The following HDAC9 variants were observed in gnomAD, a reference collection of about 807,000 sequenced individuals.
HDAC9 encodes the protein MEF-2 interacting transcription repressor (MITR) protein.
Under a neutral mutation model 139.4 loss-of-function variants are expected in HDAC9, and 41 were observed. The ratio of observed to expected loss-of-function variants is 0.29; its 90% confidence interval spans 0.23 to 0.38. The LOEUF is 0.38. Ranked by LOEUF, HDAC9 falls within the 10% of genes least tolerant of loss-of-function variation. The probability of loss-of-function intolerance (pLI) is 1.00; values close to 1 mark genes in which losing one functional copy is unlikely to be tolerated. For synonymous variants in HDAC9, 517 were observed against 476.2 expected (o/e 1.09, Z -1.12); for missense variants, 1,147 against 1,297.0 (o/e 0.88, Z 1.78).
chr7:18,708,154 C>T (rs992115432), intron 12 of HDAC9, among the ~76,000 whole-genome samples: 15 of 149,336 alleles, frequency 1.0e-4, no homozygotes, highest in African/African-American at 3.7e-4. Context: ...GAGGAGGGGG[C>T]AGGAAGTTGA....
At chr7:18,475,452 T>G (rs931372423) in intron 1 of HDAC9, among the ~76,000 whole-genome samples, 1 of 152,222 alleles carries the variant, frequency 6.6e-6, no homozygotes, top group Non-Finnish European at 1.5e-5. Context: ...CCGGGAGATA[T>G]CTTGCTATCA....
chr7:18,859,195 T>C (rs188284732), intron 21 of HDAC9, among the ~76,000 whole-genome samples: 1 of 152,270 alleles, frequency 6.6e-6, no homozygotes, highest in Admixed American at 6.5e-5. Flanking sequence ...AGAAGGAATG[T>C]ATAAACTTCT....
chr7:18,551,263 C>A (rs767229679), intron 2 of HDAC9, among the ~76,000 whole-genome samples: 1 of 152,038 alleles, frequency 6.6e-6, no homozygotes, highest in Non-Finnish European at 1.5e-5. Flanking sequence ...TTTGATATAT[C>A]TTTTAGACAT....
At chr7:18,605,231 T>C (rs1835127318) in intron 6 of HDAC9, among the ~76,000 whole-genome samples, 1 of 152,196 alleles carries the variant, frequency 6.6e-6, no homozygotes. Context: ...ATACAGAACC[T>C]GGTTGATGTG....
chr7:18,219,771 T>A (rs2128174502), intron 2 of HDAC9, among the ~76,000 whole-genome samples: 1 of 152,320 alleles, frequency 6.6e-6, no homozygotes, highest in South Asian at 2.1e-4. Flanking sequence ...TTTATTTTGG[T>A]TTTTGATATT....
intron 2 of HDAC9, among the ~76,000 whole-genome samples, chr7:18,508,683 C>A (rs1800531418): frequency 6.6e-6 from 1 of 152,166 alleles, no homozygotes; most frequent in South Asian, 2.1e-4. Flanking sequence ...GTGAAGCAAA[C>A]AGTTTCTCTT....
At chr7:18,340,892 T>C (rs1424886295) in intron 1 of HDAC9, among the ~76,000 whole-genome samples, 1 of 151,650 alleles carries the variant, frequency 6.6e-6, no homozygotes, top group African/African-American at 2.4e-5. Context: ...AAACATTTGT[T>C]GAAGTCCAAG....
intron 2 of HDAC9, among the ~76,000 whole-genome samples, chr7:18,187,566 A>G (rs1790012027): frequency 6.6e-6 from 1 of 152,072 alleles, no homozygotes; most frequent in Admixed American, 6.5e-5. Flanking sequence ...TCCACATCAA[A>G]TCTGTTCCAA....
chr7:18,430,426 A>G (rs756421111), intron 1 of HDAC9: 4 of 152,176 alleles, frequency 2.6e-5, no homozygotes, highest in Non-Finnish European at 5.9e-5. Context: ...GTCTTGCTAT[A>G]TTGTCCAGGC....
chr7:18,664,800 A>G (rs1478108932), intron 11 of HDAC9, among the ~76,000 whole-genome samples: 1 of 152,126 alleles, frequency 6.6e-6, no homozygotes, highest in Non-Finnish European at 1.5e-5. Context: ...TCTTCAAAGC[A>G]TTTTGTCATA....
At chr7:18,777,844 T>A (rs1157696632) in intron 16 of HDAC9, among the ~76,000 whole-genome samples, 2 of 151,938 alleles carry the variant, frequency 1.3e-5, no homozygotes, top group Non-Finnish European at 1.5e-5. Context: ...ACCCTCCTGA[T>A]TCTCACAGAA....
intron 17 of HDAC9, among the ~76,000 whole-genome samples, chr7:18,820,532 A>G (rs1794885799): frequency 6.6e-6 from 1 of 152,196 alleles, no homozygotes; most frequent in South Asian, 2.1e-4. Flanking sequence ...TCCCAAGTCT[A>G]AACAGCAACC....
chr7:18,166,586 T>TGG (rs1788027754), intron 2 of HDAC9, among the ~76,000 whole-genome samples: 1 of 152,178 alleles, frequency 6.6e-6, no homozygotes, highest in South Asian at 2.1e-4. Flanking sequence ...ATAAACAATT[T>TGG]GGGGGCAAGC....
At chr7:18,255,626 C>T (rs562429419) in intron 2 of HDAC9, among the ~76,000 whole-genome samples, 374 of 113,594 alleles carry the variant, frequency 3.3e-3, no homozygotes, top group South Asian at 0.019. Context: ...TTTTTCTTTC[C>T]TTTTTTTTTT....
At chr7:18,488,600 T>G (rs796269310) in intron 1 of HDAC9, among the ~76,000 whole-genome samples, 17 of 152,110 alleles carry the variant, frequency 1.1e-4, no homozygotes, top group African/African-American at 3.6e-4. Context: ...GAGTTAAAGA[T>G]AGAGCATGAA....
intron 2 of HDAC9, among the ~76,000 whole-genome samples, chr7:18,508,767 T>A (rs1437501824): frequency 2.0e-5 from 3 of 152,210 alleles, no homozygotes; most frequent in African/African-American, 7.2e-5. Context: ...CATTTTCTCA[T>A]AAACACAATA....
At chr7:18,648,403 T>C (rs1248653582) in intron 10 of HDAC9, 63 bp from the exon 11 acceptor site, 3 of 1,247,406 alleles carry the variant, frequency 2.4e-6, no homozygotes, top group African/African-American at 1.6e-5. Flanking sequence ...AAATTGTGTG[T>C]GTGTGTATGT....
At chr7:18,513,984 C>G in intron 2 of HDAC9, among the ~76,000 whole-genome samples, 1 of 152,158 alleles carries the variant, frequency 6.6e-6, no homozygotes, top group East Asian at 1.9e-4. Flanking sequence ...GAAGCTTATG[C>G]CATGTCTGAC....
chr7:18,706,772 T>C (rs1757970584), intron 12 of HDAC9, among the ~76,000 whole-genome samples: 2 of 152,178 alleles, frequency 1.3e-5, no homozygotes, highest in African/African-American at 4.8e-5. Context: ...AAATAATTAT[T>C]TGGACTAGAA....
Sources: allele counts gnomAD v4.1 joint callset (sites outside exome capture counted in the v4.1 genomes callset), GRCh38; gene constraint gnomAD v4.1.1; transcripts MANE v1.5; gene names NCBI Gene and HGNC (gene_info 2026-07-23, HGNC 2026-07-21).